The following OPCML variants were observed in gnomAD, a reference collection of about 807,000 sequenced individuals.
OPCML encodes opioid-binding protein/cell adhesion molecule.
Under a neutral mutation model 37.8 loss-of-function variants are expected in OPCML, and 13 were observed. The observed-to-expected ratio is 0.34, with a 90% CI of 0.22 to 0.55. The LOEUF is 0.55. Among genes scored for constraint, OPCML ranks in the 20% least tolerant of loss-of-function variants. The pLI is 0.91. For synonymous variants in OPCML, 176 were observed against 168.8 expected, an observed-to-expected ratio of 1.04 and a Z score of -0.33; for missense variants, 341 against 435.6, an observed-to-expected ratio of 0.78 and a Z score of 1.93.
chr11:133,285,053 G>C (rs982967457), intron 1 of OPCML, among the ~76,000 whole-genome samples: 25 of 152,154 alleles, frequency 1.6e-4, no homozygotes, highest in African/African-American at 6.0e-4. Context: ...CACAAGAAGT[G>C]GGGTAACTAA....
At chr11:133,140,667 A>AGAAGAAG (rs1555102302) in intron 1 of OPCML, among the ~76,000 whole-genome samples, 1 of 140,024 alleles carries the variant, frequency 7.1e-6, no homozygotes, top group Admixed American at 7.5e-5. Flanking sequence ...AGAAAAGAAG[A>AGAAGAAG]AAAGAAGAAA....
intron 2 of OPCML, among the ~76,000 whole-genome samples, chr11:132,696,929 C>T (rs1394939890): frequency 6.6e-6 from 1 of 152,140 alleles, no homozygotes; most frequent in Non-Finnish European, 1.5e-5. Flanking sequence ...TATACAGATA[C>T]ATCACTGTGA....
chr11:133,217,557 C>T (rs1357494640), intron 1 of OPCML, among the ~76,000 whole-genome samples: 2 of 152,186 alleles, frequency 1.3e-5, no homozygotes, highest in African/African-American at 2.4e-5. Flanking sequence ...CTGCCCCACA[C>T]GAGAGCCCAT....
At chr11:132,518,518 A>G (rs2096285213) in intron 4 of OPCML, among the ~76,000 whole-genome samples, 1 of 152,210 alleles carries the variant, frequency 6.6e-6, no homozygotes, top group African/African-American at 2.4e-5. Context: ...AGCCAGCTCC[A>G]GCACACCTCG....
intron 1 of OPCML, among the ~76,000 whole-genome samples, chr11:133,128,215 A>G (rs953536495): frequency 2.0e-5 from 3 of 152,120 alleles, no homozygotes; most frequent in Non-Finnish European, 2.9e-5. Flanking sequence ...AAGAGTGCCA[A>G]ATGCATTGGC....
At chr11:133,051,747 G>A (rs1948135717) in intron 1 of OPCML, among the ~76,000 whole-genome samples, 1 of 152,150 alleles carries the variant, frequency 6.6e-6, no homozygotes, top group African/African-American at 2.4e-5. Context: ...AAGCCCTTCA[G>A]CATCCTCCCA....
chr11:133,114,722 G>GC (rs34222503), intron 1 of OPCML, among the ~76,000 whole-genome samples: 84,799 of 151,870 alleles, frequency 0.56, 23,863 homozygotes, highest in East Asian at 0.8. Flanking sequence ...CATCTTTAAG[G>GC]ATAGAATAGT....
intron 1 of OPCML, among the ~76,000 whole-genome samples, chr11:133,129,030 G>A (rs1177922262): frequency 1.3e-5 from 2 of 152,164 alleles, no homozygotes; most frequent in Non-Finnish European, 2.9e-5. Context: ...GGAAAACAAA[G>A]TAAACCCACA....
rs71477795 is a variant in OPCML, at chr11:133,433,251, C to CAAAAAAAAAAAAAAAAAAAAAAAAAA, written c.61+99012_61+99013insTTTTTTTTTTTTTTTTTTTTTTTTTT. On this transcript the variant is annotated intron_variant, in intron 1 of 7. Coordinates refer to ENST00000524381, the MANE Select transcript of OPCML (RefSeq NM_001012393.5). ...TGGGCGACAGAGCGAGACTCCGTCT[C>CAAAAAAAAAAAAAAAAAAAAAAAAAA]AAAAAAAAAAAAAAAAAAATATTAC... Among the ~76,000 whole-genome samples the CAAAAAAAAAAAAAAAAAAAAAAAAAA allele has an allele frequency of 1.7e-4, 15 of 90,728 alleles. 1 individual carries two copies. The highest frequency in any genetic ancestry group is 5.5e-4 in the African/African-American group (12 of 21,834). 59.5% of individuals were successfully genotyped at this position (90,728 alleles called of 152,430 possible).
chr11:132,631,564 A>G lies in OPCML; in HGVS notation c.379+25523T>C, dbSNP rs868734631. Among the ~76,000 whole-genome samples the G allele has an allele frequency of 4.0e-5, 6 of 150,876 alleles. No individual in the cohort carries two copies. The East Asian group carries it at 5.9e-4, about 15-fold the overall frequency. On this transcript the variant is annotated intron_variant, in intron 3 of 7. Coordinates refer to ENST00000524381, the MANE Select transcript of OPCML (RefSeq NM_001012393.5). ...AAGCTCCGCCTCCCGGGTTCACGCC[A>G]TTCGCCTGCCTCAGCCTCCCGAGTA...
chr11:132,711,815 A>T (rs1944274123), intron 2 of OPCML, among the ~76,000 whole-genome samples: 1 of 152,188 alleles, frequency 6.6e-6, no homozygotes, highest in Non-Finnish European at 1.5e-5. Flanking sequence ...GTGTGTACAC[A>T]AGCACAGAGA....
At position 133,501,198 on chromosome 11, in the gene OPCML, C is replaced by T. The variant is rs571844373; in HGVS notation, c.61+31066G>A. On this transcript the variant is annotated intron_variant, in intron 1 of 7. Transcript: ENST00000524381. ...GAGACACACAAGCGCCAGATTCACC[C>T]GTCCAGCTTCTATACGCTGTCCACA... 4.6e-5 allele frequency among the ~76,000 whole-genome samples: 7 copies of T among 152,256 alleles called. No individual in the cohort carries two copies. In the East Asian group the frequency reaches 9.7e-4, roughly 21 times the overall value.
chr11:133,317,058 C>T (rs909668779), intron 1 of OPCML, among the ~76,000 whole-genome samples: 6 of 152,080 alleles, frequency 3.9e-5, no homozygotes, highest in Non-Finnish European at 7.4e-5. Context: ...ATTAGCTGGG[C>T]GTGGTGGCGA....
chr11:132,701,953 A>G (rs1408204439), intron 2 of OPCML, among the ~76,000 whole-genome samples: 1 of 152,130 alleles, frequency 6.6e-6, no homozygotes, highest in East Asian at 1.9e-4. Context: ...ACGAAATTCT[A>G]CACTTTAACT....
chr11:132,605,107 C>G (rs1938193573), intron 3 of OPCML, among the ~76,000 whole-genome samples: 1 of 152,124 alleles, frequency 6.6e-6, no homozygotes, highest in Non-Finnish European at 1.5e-5. Flanking sequence ...CTTGGTGAGG[C>G]ATTAAGTTTC....
At chr11:133,048,399 T>C (rs1288297731) in intron 1 of OPCML, among the ~76,000 whole-genome samples, 1 of 152,058 alleles carries the variant, frequency 6.6e-6, no homozygotes, top group African/African-American at 2.4e-5. Flanking sequence ...ACAAGGACTA[T>C]TGACTGCATT....
rs1010560970 is a variant in OPCML at position 132,416,080 on chromosome 11, G to A, written c.*4113C>T. ...TCCAAGATAAGGTCACGTGCAAAAT[G>A]AAAACAAAAGATTCTTGCTGTTGGA... On this transcript the variant is annotated 3_prime_UTR_variant, in exon 8 of 8. Coordinates refer to ENST00000524381, the MANE Select transcript of OPCML (RefSeq NM_001012393.5). 6 of 152,590 alleles carry A rather than the reference G, an allele frequency of 3.9e-5. No homozygotes were observed. In the East Asian group the frequency reaches 1.2e-3, roughly 30 times the overall value. 9.5% of individuals were successfully genotyped at this position (152,590 alleles called of 1,614,324 possible). A position where few individuals can be genotyped will look rare whatever the true frequency, so the allele number is the denominator to read the frequency against.
chr11:133,210,882 C>T (rs1434738611), intron 1 of OPCML, among the ~76,000 whole-genome samples: 3 of 152,008 alleles, frequency 2.0e-5, no homozygotes, highest in African/African-American at 7.2e-5. Context: ...GAGGTGTGTG[C>T]GGTTAGAATG....
chr11:132,777,572 A>G (rs1020621275), intron 2 of OPCML, among the ~76,000 whole-genome samples: 12 of 152,206 alleles, frequency 7.9e-5, no homozygotes, highest in African/African-American at 2.7e-4. Flanking sequence ...ACTATGTTGC[A>G]TAATTAATCT....
Sources: gnomAD v4.1 joint callset for allele counts (sites outside exome capture counted in the v4.1 genomes callset) on GRCh38, gnomAD v4.1.1 for gene constraint, MANE v1.5 for transcripts, NCBI Gene and HGNC (gene_info 2026-07-23, HGNC 2026-07-21) for gene names.